PTPRM: variants seen among roughly 807,000 people sequenced by gnomAD.
PTPRM encodes receptor-type tyrosine-protein phosphatase mu.
Under a neutral mutation model 186.7 loss-of-function variants are expected in PTPRM, and 47 were observed. That is an observed-to-expected ratio of 0.25 (90% confidence interval 0.20 to 0.32). The LOEUF is 0.32. Ranked by LOEUF, PTPRM falls within the 10% of genes least tolerant of loss-of-function variation. The pLI is 1.00. For missense variants in PTPRM, 1,494 were observed against 1,865.0 expected (o/e 0.80, Z 3.66); for synonymous variants, 668 against 674.9 (o/e 0.99, Z 0.16).
intron 1 of PTPRM, among the ~76,000 whole-genome samples, chr18:7,678,196 AAGGGGTTGCCTTGAGAAAGTGGGTAGTT>A (rs1279266060): frequency 2.0e-5 from 3 of 152,154 alleles, no homozygotes; most frequent in African/African-American, 7.2e-5. Flanking sequence ...CCTCCCCACA[AAGGGGTTGCCTTGAGAAAGTGGGTAGTT>A]AGGAAGTCCT....
chr18:7,667,133 G>C (rs547070523), intron 1 of PTPRM, among the ~76,000 whole-genome samples: 2 of 152,190 alleles, frequency 1.3e-5, no homozygotes, highest in African/African-American at 4.8e-5. Context: ...GTCTCTGGCT[G>C]TACATTTACA....
At chr18:7,742,502 T>C (rs1003118104) in intron 1 of PTPRM, among the ~76,000 whole-genome samples, 1 of 152,062 alleles carries the variant, frequency 6.6e-6, no homozygotes, top group Non-Finnish European at 1.5e-5. Flanking sequence ...GGAAATTGGG[T>C]GGATAAAAAG....
At chr18:8,097,655 T>A (rs574677945) in intron 11 of PTPRM, among the ~76,000 whole-genome samples, 29 of 152,272 alleles carry the variant, frequency 1.9e-4, no homozygotes, top group African/African-American at 6.7e-4. Context: ...GACAGAAGGA[T>A]GAAATCTCAA....
chr18:7,769,789 ACTCATTCTTATC>A (rs1467857005), intron 1 of PTPRM, among the ~76,000 whole-genome samples: 1 of 152,068 alleles, frequency 6.6e-6, no homozygotes, highest in East Asian at 1.9e-4. Flanking sequence ...TTGCATAGTA[ACTCATTCTTATC>A]TAGAACCTGT....
intron 13 of PTPRM, chr18:8,121,844 T>A (rs1187268406): frequency 1.3e-5 from 2 of 152,192 alleles, no homozygotes; most frequent in African/African-American, 4.8e-5. Flanking sequence ...AAGCCTAAAG[T>A]TTGGATCACC....
chr18:7,995,738 T>A (rs1432846479), intron 7 of PTPRM: 1 of 152,228 alleles, frequency 6.6e-6, no homozygotes, highest in Admixed American at 6.5e-5. Flanking sequence ...ATGATTGTTC[T>A]TGTCTTCCTC....
intron 14 of PTPRM, among the ~76,000 whole-genome samples, chr18:8,233,168 C>T (rs73939407): frequency 0.051 from 7,815 of 152,274 alleles, 324 homozygotes; most frequent in Middle Eastern, 0.23. Flanking sequence ...GTCACAATCC[C>T]TTTGCCGGCA....
intron 4 of PTPRM, among the ~76,000 whole-genome samples, chr18:7,923,773 G>C (rs2051008463): frequency 6.6e-6 from 1 of 152,174 alleles, no homozygotes; most frequent in Admixed American, 6.5e-5. Context: ...TTCTGGGAAA[G>C]CTCTGTTTTA....
At chr18:7,866,447 C>T (rs1251250679) in intron 2 of PTPRM, among the ~76,000 whole-genome samples, 1 of 152,176 alleles carries the variant, frequency 6.6e-6, no homozygotes, top group Non-Finnish European at 1.5e-5. Context: ...GTTATTTACC[C>T]AGTAGCCATT....
chr18:7,739,793 G>A lies in PTPRM; in HGVS notation c.74-34356G>A, dbSNP rs1467820947. ...AAACACTTCTGGTTCTATCACCTAT[G>A]CTGGTGGGGTTGCATCATCTTTGAT... On this transcript the variant is annotated intron_variant, in intron 1 of 32. Transcript: ENST00000580170. Among the ~76,000 whole-genome samples, 3 of 152,200 alleles carry A rather than the reference G, an allele frequency of 2.0e-5. No individual in the cohort carries two copies. The East Asian group carries it at 5.8e-4, about 29-fold the overall frequency.
intron 4 of PTPRM, among the ~76,000 whole-genome samples, chr18:7,908,196 G>A (rs1197302384): frequency 6.6e-6 from 1 of 152,058 alleles, no homozygotes; most frequent in East Asian, 1.9e-4. Context: ...CACCAGCAGT[G>A]CATGGTAGCT....
At chr18:8,238,651 GTTTTTTTTTTT>G (rs71165776) in intron 14 of PTPRM, among the ~76,000 whole-genome samples, 4 of 25,756 alleles carry the variant, frequency 1.6e-4, no homozygotes, top group African/African-American at 3.3e-4. Flanking sequence ...TGTTTTGTGT[GTTTTTTTTTTT>G]TTTTTTTTTT....
chr18:8,388,386 T>C (rs1374667485), intron 31 of PTPRM, among the ~76,000 whole-genome samples: 23 of 152,154 alleles, frequency 1.5e-4, no homozygotes, highest in Admixed American at 1.5e-3. Context: ...CGTGGGTTAC[T>C]CTCCAGTCAG....
At chr18:7,911,619 A>C (rs2050268382) in intron 4 of PTPRM, among the ~76,000 whole-genome samples, 2 of 152,172 alleles carry the variant, frequency 1.3e-5, no homozygotes, top group South Asian at 4.1e-4. Context: ...TCTACATACA[A>C]ATTCCTTATC....
chr18:8,143,978 G>T (rs1346895085), intron 14 of PTPRM, among the ~76,000 whole-genome samples, 199 bp downstream of exon 14: 1 of 152,176 alleles, frequency 6.6e-6, no homozygotes, highest in Non-Finnish European at 1.5e-5. Context: ...ATGATTCTGT[G>T]TGAATACGCA....
At chr18:8,078,914 G>A (rs2089978176) in intron 9 of PTPRM, among the ~76,000 whole-genome samples, 1 of 152,114 alleles carries the variant, frequency 6.6e-6, no homozygotes, top group Admixed American at 6.6e-5. Context: ...CGTTCACGAA[G>A]GTTCTGCCCA....
At chr18:7,951,848 AAC>A (rs1294119824) in intron 6 of PTPRM, among the ~76,000 whole-genome samples, 1 of 152,226 alleles carries the variant, frequency 6.6e-6, no homozygotes, top group African/African-American at 2.4e-5. Flanking sequence ...TCTATAATTT[AAC>A]ACTTTTTTAT....
At chr18:8,120,622 A>G (rs1023235898) in intron 13 of PTPRM, among the ~76,000 whole-genome samples, 1 of 151,544 alleles carries the variant, frequency 6.6e-6, no homozygotes, top group Admixed American at 6.6e-5. Flanking sequence ...CAGCCTCCCA[A>G]GTAGCTGGGA....
In PTPRM at chr18:8,216,028, C is replaced by T. The variant is rs563948194; in HGVS notation, c.2301-28030C>T. Reference sequence around the variant, plus strand: ...CCTGCTAAAGCACAGGCCTAAGGGCCTCTCACAGGAGAGTGCAGTTCTCTT... The same window carrying T: ...CCTGCTAAAGCACAGGCCTAAGGGCTTCTCACAGGAGAGTGCAGTTCTCTT... On this transcript the variant is annotated intron_variant, in intron 14 of 32. Transcript: ENST00000580170. Among the ~76,000 whole-genome samples, 5 of 152,318 alleles carry T rather than the reference C, an allele frequency of 3.3e-5. No homozygotes were observed. The East Asian group carries it at 7.7e-4, about 24-fold the overall frequency.
Sources: allele counts gnomAD v4.1 joint callset (sites outside exome capture counted in the v4.1 genomes callset), GRCh38; gene constraint gnomAD v4.1.1; transcripts MANE v1.5; gene names NCBI Gene and HGNC (gene_info 2026-07-23, HGNC 2026-07-21).